NXPE4: variants seen among roughly 807,000 people sequenced by gnomAD.
The protein encoded by NXPE4 is NXPE family member 4.
NXPE4 carries 42 observed loss-of-function variants against 33.3 expected under a neutral mutation model. The ratio of observed to expected loss-of-function variants is 1.26; its 90% CI spans 0.98 to 1.63. The LOEUF is 1.63. Ranked by LOEUF, NXPE4 falls within the 40% of genes most tolerant of loss-of-function variation. NXPE4 has a pLI of 0.00. For missense variants in NXPE4, 709 were observed against 647.6 expected (o/e 1.09, Z -1.03); for synonymous variants, 253 against 234.9 (o/e 1.08, Z -0.71).
the NXPE4 span, among the ~76,000 whole-genome samples, chr11:114,630,123 TAC>T: frequency 6.6e-6 from 1 of 151,758 alleles, no homozygotes; most frequent in Admixed American, 6.6e-5. Flanking sequence ...TTCAATGCTG[TAC>T]CCATCAAGCT....
the NXPE4 span, among the ~76,000 whole-genome samples, chr11:114,651,525 G>A: frequency 1.7e-4 from 26 of 152,348 alleles, no homozygotes; most frequent in East Asian, 2.5e-3. Flanking sequence ...CAGCATGGAA[G>A]AGAATCCGAA....
At chr11:114,642,418 C>T in the NXPE4 span, among the ~76,000 whole-genome samples, 1 of 151,948 alleles carries the variant, frequency 6.6e-6, no homozygotes, top group Non-Finnish European at 1.5e-5. Flanking sequence ...TGCTATCCCT[C>T]CCCACTCCCC....
the NXPE4 span, among the ~76,000 whole-genome samples, chr11:114,601,552 A>G: frequency 6.3e-4 from 56 of 88,786 alleles, no homozygotes; most frequent in African/African-American, 2.3e-3. Flanking sequence ...TATTATTTAT[A>G]ATTATATATA....
chr11:114,594,385 A>C (rs1469789575), intron 2 of NXPE4, among the ~76,000 whole-genome samples: 2 of 152,226 alleles, frequency 1.3e-5, no homozygotes, highest in Non-Finnish European at 1.5e-5. Flanking sequence ...TGTTCTTCAG[A>C]TGTTCCCTTA....
chr11:114,579,285 G>A (rs139828791), intron 5 of NXPE4, among the ~76,000 whole-genome samples: 1 of 152,296 alleles, frequency 6.6e-6, no homozygotes, highest in East Asian at 1.9e-4. Flanking sequence ...CCAGTCATGA[G>A]AGATCCACCT....
the NXPE4 span, among the ~76,000 whole-genome samples, chr11:114,610,036 AC>A: frequency 1.3e-5 from 2 of 151,808 alleles, no homozygotes; most frequent in Non-Finnish European, 2.9e-5. Flanking sequence ...GTGGGTAGGC[AC>A]TTTTCCCCGG....
chr11:114,644,736 A>G, the NXPE4 span, among the ~76,000 whole-genome samples: 3 of 152,148 alleles, frequency 2.0e-5, no homozygotes, highest in South Asian at 6.2e-4. Context: ...CTGATTCTAA[A>G]TGTTATATGG....
At chr11:114,671,007 CCAT>C in the NXPE4 span, among the ~76,000 whole-genome samples, 187 of 148,420 alleles carry the variant, frequency 1.3e-3, no homozygotes, top group African/African-American at 4.3e-3. Context: ...TGGCAATACC[CCAT>C]CAAGGAGAGA....
chr11:114,613,801 A>T, the NXPE4 span, among the ~76,000 whole-genome samples: 2 of 151,924 alleles, frequency 1.3e-5, no homozygotes, highest in Non-Finnish European at 2.9e-5. Context: ...GCCGGTGGAT[A>T]ATACGTCTTG....
the NXPE4 span, among the ~76,000 whole-genome samples, chr11:114,602,037 A>G: frequency 1.1e-5 from 1 of 91,220 alleles, no homozygotes; most frequent in Non-Finnish European, 1.9e-5. Context: ...GTTATACTAT[A>G]TAATATATAT....
chr11:114,583,688 A>G (rs1246105566), intron 2 of NXPE4: 3 of 579,186 alleles, frequency 5.2e-6, no homozygotes, highest in Non-Finnish European at 1.0e-5. Flanking sequence ...AAAGAAGTTC[A>G]AGGCATCTGG....
chr11:114,626,439 A>T, the NXPE4 span, among the ~76,000 whole-genome samples: 1 of 152,162 alleles, frequency 6.6e-6, no homozygotes, highest in Non-Finnish European at 1.5e-5. Flanking sequence ...GTGGCCGGGT[A>T]CTCCAACAGA....
At chr11:114,599,388 A>G (rs929495116), upstream of NXPE4, among the ~76,000 whole-genome samples, 15 of 152,114 alleles carry the variant, frequency 9.9e-5, no homozygotes, top group African/African-American at 3.6e-4. Context: ...TTTCTCTTAT[A>G]TTCTTGTCTT....
chr11:114,651,241 G>C, the NXPE4 span, among the ~76,000 whole-genome samples: 1 of 152,032 alleles, frequency 6.6e-6, no homozygotes, highest in African/African-American at 2.4e-5. Context: ...TCTTCCTTCA[G>C]ATGTTCAGAT....
At chr11:114,664,895 A>G in the NXPE4 span, among the ~76,000 whole-genome samples, 2 of 152,176 alleles carry the variant, frequency 1.3e-5, no homozygotes, top group African/African-American at 4.8e-5. Context: ...GATTTTGCCC[A>G]GCTGTTGGCT....
At chr11:114,605,641 C>A in the NXPE4 span, among the ~76,000 whole-genome samples, 9 of 151,888 alleles carry the variant, frequency 5.9e-5, no homozygotes, top group African/African-American at 1.2e-4. Flanking sequence ...CGTGGGTAAC[C>A]ACAGTTAGCT....
chr11:114,586,260 T>G (rs1949295245), intron 2 of NXPE4, among the ~76,000 whole-genome samples: 1 of 152,196 alleles, frequency 6.6e-6, no homozygotes, highest in Non-Finnish European at 1.5e-5. Flanking sequence ...ACTCACTCCT[T>G]GTATGTCCAT....
the NXPE4 span, among the ~76,000 whole-genome samples, chr11:114,661,728 G>T: frequency 1.3e-5 from 2 of 152,150 alleles, no homozygotes; most frequent in Non-Finnish European, 2.9e-5. Flanking sequence ...CAAGGCCACT[G>T]GTGACTTGTC....
the NXPE4 span, among the ~76,000 whole-genome samples, chr11:114,611,276 C>A: frequency 6.6e-6 from 1 of 151,426 alleles, no homozygotes; most frequent in East Asian, 2.0e-4. Context: ...CACTGTTACC[C>A]TGTCGATAAT....
Sources: gnomAD v4.1 joint callset for allele counts (sites outside exome capture counted in the v4.1 genomes callset) on GRCh38, gnomAD v4.1.1 for gene constraint, MANE v1.5 for transcripts, NCBI Gene and HGNC (gene_info 2026-07-23, HGNC 2026-07-21) for gene names.